The following MEGF11 variants were observed in gnomAD, a reference collection of about 807,000 sequenced individuals.
MEGF11 encodes multiple EGF like domains 11.
In MEGF11, 126 loss-of-function variants were observed where a neutral mutation model predicts 146.6. That is an observed-to-expected ratio of 0.86 (90% confidence interval 0.74 to 1.00). The LOEUF (loss-of-function observed/expected upper bound fraction) is 1.00, where lower values mean the gene tolerates loss of function less well. MEGF11 is among the 50% of genes least tolerant of loss of function. The pLI is 0.00. For synonymous variants in MEGF11, 532 were observed against 583.4 expected (o/e 0.91, Z 1.27); for missense variants, 1,509 against 1,521.2 (o/e 0.99, Z 0.13).
chr15:66,105,063 C>A (rs537710029), intron 4 of MEGF11, among the ~76,000 whole-genome samples: 6 of 152,142 alleles, frequency 3.9e-5, no homozygotes, highest in Non-Finnish European at 7.4e-5. Context: ...AATCTGGCAA[C>A]CCACAGAGAA....
chr15:66,170,365 T>C (rs897621122), intron 1 of MEGF11, among the ~76,000 whole-genome samples: 2 of 152,164 alleles, frequency 1.3e-5, no homozygotes, highest in Admixed American at 1.3e-4. Flanking sequence ...GGGAACTGTG[T>C]GCAAGACACT....
At chr15:66,005,727 C>T (rs568592017) in intron 5 of MEGF11, among the ~76,000 whole-genome samples, 1 of 152,310 alleles carries the variant, frequency 6.6e-6, no homozygotes, top group East Asian at 1.9e-4. Context: ...AGCGTTCATA[C>T]TCATTGAGCT....
chr15:66,176,282 T>A (rs978794206), intron 1 of MEGF11, among the ~76,000 whole-genome samples: 1 of 152,034 alleles, frequency 6.6e-6, no homozygotes, highest in African/African-American at 2.4e-5. Context: ...AGCACTACCA[T>A]AGGATCCACC....
At chr15:66,066,970 G>C (rs1400028150) in intron 5 of MEGF11, among the ~76,000 whole-genome samples, 2 of 152,216 alleles carry the variant, frequency 1.3e-5, no homozygotes, top group Non-Finnish European at 2.9e-5. Flanking sequence ...GTGGTCACAG[G>C]GGGAGCTAAT....
At chr15:66,010,445 G>A (rs888220275) in intron 5 of MEGF11, among the ~76,000 whole-genome samples, 1 of 151,982 alleles carries the variant, frequency 6.6e-6, no homozygotes, top group African/African-American at 2.4e-5. Flanking sequence ...TACCTGCCTT[G>A]GCCTGCCAAA....
chr15:66,156,009 G>T (rs1215282179), intron 1 of MEGF11, among the ~76,000 whole-genome samples: 1 of 152,160 alleles, frequency 6.6e-6, no homozygotes, highest in East Asian at 1.9e-4. Flanking sequence ...GGACCCTGTG[G>T]GGAAGCTGCT....
intron 5 of MEGF11, among the ~76,000 whole-genome samples, chr15:66,025,381 G>A (rs905314858): frequency 6.6e-6 from 1 of 152,062 alleles, no homozygotes; most frequent in African/African-American, 2.4e-5. Context: ...CCCTCAGTCA[G>A]CCTGAGGCAG....
chr15:65,909,553 C>T (rs1482634809), intron 22 of MEGF11, among the ~76,000 whole-genome samples, 187 bp downstream of exon 22: 1 of 152,128 alleles, frequency 6.6e-6, no homozygotes, highest in Non-Finnish European at 1.5e-5. Flanking sequence ...ATAGCAGGGA[C>T]TTAGCCCTAA....
intron 4 of MEGF11, among the ~76,000 whole-genome samples, chr15:66,099,582 ATGTCCT>A (rs1665981128): frequency 6.6e-6 from 1 of 152,170 alleles, no homozygotes; most frequent in South Asian, 2.1e-4. Context: ...CATTAGCTGC[ATGTCCT>A]TGAGCAACCT....
chr15:66,048,325 G>T (rs2084305462), intron 5 of MEGF11, among the ~76,000 whole-genome samples: 1 of 152,230 alleles, frequency 6.6e-6, no homozygotes, highest in African/African-American at 2.4e-5. Flanking sequence ...GAAGAGCTCT[G>T]TGTCTCTCTA....
At chr15:66,237,008 T>C (rs1013266358) in intron 1 of MEGF11, among the ~76,000 whole-genome samples, 3 of 152,258 alleles carry the variant, frequency 2.0e-5, no homozygotes, top group African/African-American at 7.2e-5. Flanking sequence ...CTCCTTCCCT[T>C]GTCCACTGGC....
intron 5 of MEGF11, among the ~76,000 whole-genome samples, chr15:66,025,168 C>G (rs896666218): frequency 6.6e-6 from 1 of 152,230 alleles, no homozygotes; most frequent in African/African-American, 2.4e-5. Flanking sequence ...ATTGAACTCT[C>G]TCTTCCAGCA....
At chr15:66,081,952 C>T (rs1395450330) in intron 5 of MEGF11, among the ~76,000 whole-genome samples, 3 of 152,196 alleles carry the variant, frequency 2.0e-5, no homozygotes, top group Non-Finnish European at 2.9e-5. Context: ...ACACGACCCC[C>T]TTCTCCACTC....
chr15:65,941,284 C>T (rs2079981803), intron 10 of MEGF11, among the ~76,000 whole-genome samples: 1 of 152,036 alleles, frequency 6.6e-6, no homozygotes, highest in Admixed American at 6.6e-5. Flanking sequence ...GGCGTCGTGG[C>T]AGGCATCTGT....
At chr15:66,090,788 T>G (rs190434438) in intron 5 of MEGF11, among the ~76,000 whole-genome samples, 3 of 152,322 alleles carry the variant, frequency 2.0e-5, no homozygotes, top group Admixed American at 6.5e-5. Context: ...CTAGAGGAGA[T>G]TCACGTTTAT....
At chr15:66,066,886 C>G (rs1334213572) in intron 5 of MEGF11, among the ~76,000 whole-genome samples, 3 of 152,106 alleles carry the variant, frequency 2.0e-5, no homozygotes, top group African/African-American at 7.2e-5. Context: ...GAGAGAGAGA[C>G]CCCCAGAAAG....
intron 1 of MEGF11, among the ~76,000 whole-genome samples, chr15:66,148,535 GT>G (rs1256006179): frequency 2.6e-5 from 4 of 152,194 alleles, no homozygotes; most frequent in Non-Finnish European, 5.9e-5. Flanking sequence ...GGGGCCCCAG[GT>G]CCCTCTGTGG....
In MEGF11 at chr15:66,106,812, C is replaced by A. The variant is rs909210496; in HGVS notation, c.301+12274G>T. On this transcript the variant is annotated intron_variant, in intron 4 of 25. Transcript: ENST00000395614. ...CCTCAGAGGTCCAGACATATCACAT[C>A]TGCAGCGTCAAATGAGGGATTCCAG... 1.3e-5 allele frequency among the ~76,000 whole-genome samples: 2 copies of A among 152,202 alleles called. 1 individual carries two copies. The highest frequency in any genetic ancestry group is 4.8e-5 in the African/African-American group (2 of 41,434).
At chr15:66,110,419 A>C (rs1207080692) in intron 4 of MEGF11, among the ~76,000 whole-genome samples, 1 of 152,180 alleles carries the variant, frequency 6.6e-6, no homozygotes, top group Non-Finnish European at 1.5e-5. Context: ...GGACCAGACC[A>C]CGGTGGCTGC....
Sources: allele counts gnomAD v4.1 joint callset (sites outside exome capture counted in the v4.1 genomes callset), GRCh38; gene constraint gnomAD v4.1.1; transcripts MANE v1.5; gene names NCBI Gene and HGNC (gene_info 2026-07-23, HGNC 2026-07-21).